PBX3: variants seen among roughly 807,000 people sequenced by gnomAD.
The protein encoded by PBX3 is pre-B-cell leukemia transcription factor 3.
A neutral mutation model predicts 48.5 loss-of-function variants in PBX3; 14 were observed. The ratio of observed to expected loss-of-function variants is 0.29; its 90% CI spans 0.19 to 0.45. PBX3 has a LOEUF of 0.45. Ranked by LOEUF, PBX3 falls within the 20% of genes least tolerant of loss-of-function variation. The probability of loss-of-function intolerance (pLI) is 1.00; values close to 1 mark genes in which losing one functional copy is unlikely to be tolerated. For missense variants in PBX3, 386 were observed against 546.7 expected (o/e 0.71, Z 2.93); for synonymous variants, 210 against 200.3 (o/e 1.05, Z -0.41).
chr9:125,772,437 G>A (rs150549161), intron 2 of PBX3, among the ~76,000 whole-genome samples: 30 of 152,310 alleles, frequency 2.0e-4, no homozygotes, highest in Non-Finnish European at 3.8e-4. Flanking sequence ...GGGGAAGATA[G>A]TTTATAAATA....
intron 2 of PBX3, among the ~76,000 whole-genome samples, chr9:125,888,880 G>C (rs76522537): frequency 0.02 from 3,042 of 152,258 alleles, 172 homozygotes; most frequent in East Asian, 0.17. Context: ...CACCTTTTCA[G>C]CTCCTTTGGA....
In PBX3 at chr9:125,748,588, T is replaced by C; in HGVS notation, c.239T>C (p.Leu80Pro). 1 of 1,613,856 alleles carries C rather than the reference T, an allele frequency of 6.2e-7. No homozygotes were observed. Among genetic ancestry groups the C allele is most frequent in the Non-Finnish European group, 8.5e-7 (1 of 1,179,922 alleles). The change falls in exon 2 of 9, where the codon CTC becomes CCC. Residue 80 changes from leucine (L) to proline (P), a missense_variant. Around this residue, in one of 4 missense-constraint regions of PBX3, gnomAD observed 69 missense variants for 99.1 expected, o/e 0.70. Coordinates refer to ENST00000373489, the MANE Select transcript of PBX3 (RefSeq NM_006195.6). ...AACTGTCACAGAATGAAACCAGCGC[T>C]CTTCAGCGTCCTGTGTGAGATCAAA... ...ALNCHRMKPALFSVLCEIKEK... is the reference protein window; with the variant it reads ...ALNCHRMKPAPFSVLCEIKEK...
At chr9:125,864,799 G>T (rs1003729887) in intron 2 of PBX3, among the ~76,000 whole-genome samples, 2 of 152,208 alleles carry the variant, frequency 1.3e-5, no homozygotes, top group Non-Finnish European at 2.9e-5. Flanking sequence ...ATAGGGCCTG[G>T]TTTCCAACAG....
intron 2 of PBX3, among the ~76,000 whole-genome samples, chr9:125,770,434 T>A (rs1159629323): frequency 2.6e-5 from 4 of 152,190 alleles, no homozygotes. Context: ...AATATATTTA[T>A]TTTTGCTCCT....
intron 2 of PBX3, among the ~76,000 whole-genome samples, chr9:125,801,790 TACACACACAC>T (rs367989628): frequency 1.1e-4 from 16 of 146,320 alleles, no homozygotes; most frequent in East Asian, 8.0e-4. Context: ...TGTATACACA[TACACACACAC>T]ACACACACAC....
At chr9:125,812,146 C>T (rs900646479) in intron 2 of PBX3, among the ~76,000 whole-genome samples, 1 of 152,124 alleles carries the variant, frequency 6.6e-6, no homozygotes, top group Non-Finnish European at 1.5e-5. Flanking sequence ...GAACTGTGAA[C>T]GATAAATTTG....
intron 2 of PBX3, among the ~76,000 whole-genome samples, chr9:125,806,184 G>C (rs1479957978): frequency 1.3e-5 from 2 of 152,054 alleles, no homozygotes; most frequent in African/African-American, 4.8e-5. Context: ...ATATATCCAG[G>C]GAAAGGGCAC....
intron 2 of PBX3, among the ~76,000 whole-genome samples, chr9:125,798,094 A>G (rs2132084809): frequency 6.6e-6 from 1 of 152,298 alleles, no homozygotes; most frequent in Admixed American, 6.5e-5. Flanking sequence ...GTTTCTGTAT[A>G]TAAAGCAAGT....
At chr9:125,786,945 G>A (rs570156644) in intron 2 of PBX3, among the ~76,000 whole-genome samples, 1 of 151,716 alleles carries the variant, frequency 6.6e-6, no homozygotes, top group South Asian at 2.1e-4. Context: ...GGCTGGTCTC[G>A]AACTCCTGAC....
At chr9:125,923,420 C>T (rs1841497460) in intron 3 of PBX3, among the ~76,000 whole-genome samples, 1 of 152,284 alleles carries the variant, frequency 6.6e-6, no homozygotes, top group African/African-American at 2.4e-5. Flanking sequence ...TACTCTGGTA[C>T]AGCAGTTTTC....
intron 2 of PBX3, among the ~76,000 whole-genome samples, chr9:125,871,626 A>G (rs371192756): frequency 1.3e-5 from 2 of 152,218 alleles, no homozygotes; most frequent in Non-Finnish European, 2.9e-5. Flanking sequence ...TTAGGGCTGC[A>G]TAGATGGTAA....
intron 5 of PBX3, among the ~76,000 whole-genome samples, chr9:125,951,842 GCA>G (rs1215359194): frequency 6.6e-6 from 1 of 152,182 alleles, no homozygotes; most frequent in Non-Finnish European, 1.5e-5. Context: ...TTAGAGGAAT[GCA>G]CACAGTGTGT....
intron 2 of PBX3, among the ~76,000 whole-genome samples, chr9:125,893,335 G>A (rs909040422): frequency 6.6e-6 from 1 of 152,124 alleles, no homozygotes; most frequent in African/African-American, 2.4e-5. Context: ...TTTAATCTGT[G>A]GACTCTTTTG....
chr9:125,769,702 A>G (rs570479152), intron 2 of PBX3, among the ~76,000 whole-genome samples: 1 of 152,280 alleles, frequency 6.6e-6, no homozygotes, highest in South Asian at 2.1e-4. Flanking sequence ...ACATAAAGGG[A>G]AAAAAAGGAT....
intron 2 of PBX3, among the ~76,000 whole-genome samples, chr9:125,762,316 A>T (rs1036211814): frequency 1.3e-5 from 2 of 152,204 alleles, no homozygotes; most frequent in African/African-American, 2.4e-5. Context: ...CAAAAAATAT[A>T]GTCCACCCAC....
intron 2 of PBX3, among the ~76,000 whole-genome samples, chr9:125,900,234 C>A (rs62567250): frequency 3.6e-5 from 1 of 27,884 alleles, no homozygotes; most frequent in Non-Finnish European, 5.9e-5. Flanking sequence ...CCACATCCCG[C>A]CCTTTTTTTT....
At chr9:125,865,285 A>G (rs1178408487) in intron 2 of PBX3, 2 of 169,292 alleles carry the variant, frequency 1.2e-5, no homozygotes, top group African/African-American at 4.8e-5. Flanking sequence ...TTCCTGGAGA[A>G]TAAGTCAGGA....
chr9:125,843,860 T>C (rs1333863053), intron 2 of PBX3: 1 of 455,338 alleles, frequency 2.2e-6, no homozygotes, highest in Non-Finnish European at 4.4e-6. Flanking sequence ...CAATTACAGC[T>C]TAATGGGGTC....
At chr9:125,926,614 C>T (rs958899387) in intron 3 of PBX3, among the ~76,000 whole-genome samples, 20 of 151,614 alleles carry the variant, frequency 1.3e-4, no homozygotes, top group Non-Finnish European at 2.7e-4. Context: ...GTCAGGAGTT[C>T]GAGACCAGCC....
Sources: allele counts gnomAD v4.1 joint callset (sites outside exome capture counted in the v4.1 genomes callset), GRCh38; gene constraint gnomAD v4.1.1; regional missense constraint gnomAD v4.1.1; transcripts MANE v1.5; gene names NCBI Gene and HGNC (gene_info 2026-07-23, HGNC 2026-07-21).